The following TXNDC11 variants were observed in gnomAD, a reference collection of about 807,000 sequenced individuals.
TXNDC11 encodes thioredoxin domain-containing protein 11.
A neutral mutation model predicts 78.0 loss-of-function variants in TXNDC11; 68 were observed. That is an observed-to-expected ratio of 0.87 (90% CI 0.72 to 1.07). The LOEUF (loss-of-function observed/expected upper bound fraction) is 1.07, where lower values mean the gene tolerates loss of function less well. TXNDC11 is among the 50% of genes least tolerant of loss of function. The probability of loss-of-function intolerance (pLI) is 0.00; values close to 1 mark genes in which losing one functional copy is unlikely to be tolerated. For synonymous variants in TXNDC11, 571 were observed against 495.2 expected, an observed-to-expected ratio of 1.15 and a Z score of -2.03; for missense variants, 1,389 against 1,221.8, an observed-to-expected ratio of 1.14 and a Z score of -2.04.
rs201219816 is a variant in TXNDC11 at position 11,692,098 on chromosome 16, G to C, written c.1108-16C>G. ...CTTCGGTGATCTGAAATACAGGGCA[G>C]AGTTGGTGAAGGGCTTGGGGATGAC... is the stretch of plus-strand genomic sequence containing the variant. On this transcript the variant is annotated splice_polypyrimidine_tract_variant and intron_variant, in intron 7 of 11. Coordinates refer to ENST00000283033, the MANE Select transcript of TXNDC11 (RefSeq NM_015914.7). The C allele has an allele frequency of 1.0e-3, 1,537 of 1,514,936 alleles. 4 individuals carry two copies. Among genetic ancestry groups the C allele is most frequent in the Non-Finnish European group, 1.3e-3 (1,422 of 1,131,862 alleles). 93.8% of individuals were successfully genotyped at this position (1,514,936 alleles called of 1,614,324 possible).
At chr16:11,706,000 A>G (rs2051170064) in intron 5 of TXNDC11, among the ~76,000 whole-genome samples, 2 of 152,254 alleles carry the variant, frequency 1.3e-5, no homozygotes, top group Admixed American at 6.5e-5. Context: ...TGAATTTTCA[A>G]TATTTTAATT....
At chr16:11,693,803 T>C (rs2050783569) in intron 7 of TXNDC11, among the ~76,000 whole-genome samples, 1 of 152,184 alleles carries the variant, frequency 6.6e-6, no homozygotes, top group African/African-American at 2.4e-5. Flanking sequence ...AGGTCAAGCC[T>C]ATATAATCCG....
At position 11,691,449 on chromosome 16, in the gene TXNDC11, TGA is replaced by T. The variant is rs1382545465; in HGVS notation, c.1739_1740del (p.Leu580GlnfsTer33). ...AAATTTGAATCCAAAAGGTAGATGT[TGA>T]GAGTCTTGTTGGTTCTGCAGCTCAG... Reference protein sequence around the residue: ...TGLSCRTNKTLNIYLLDSNLF... With the variant: ...TGLSCRTNKTXNIYLLDSNLF... On this transcript the variant is annotated frameshift_variant, in exon 8 of 12. Transcript: ENST00000283033. LOFTEE classifies it high-confidence loss of function. 1 of 1,610,954 alleles carries T rather than the reference TGA, an allele frequency of 6.2e-7. No individual in the cohort carries two copies. The highest frequency in any genetic ancestry group is 8.5e-7 in the Non-Finnish European group (1 of 1,177,172).
At chr16:11,701,430 C>G (rs1221093583) in intron 5 of TXNDC11, among the ~76,000 whole-genome samples, 1 of 152,150 alleles carries the variant, frequency 6.6e-6, no homozygotes, top group Non-Finnish European at 1.5e-5. Flanking sequence ...AGCCACCACA[C>G]TCGGCCCAAT....
At chr16:11,692,282 C>T in intron 7 of TXNDC11, 200 bp from the exon 8 acceptor site, 3 of 513,944 alleles carry the variant, frequency 5.8e-6, no homozygotes, top group Non-Finnish European at 6.7e-6. Context: ...AAATTTTTGC[C>T]ATTACAAAAA....
At chr16:11,705,421 A>G (rs908682841) in intron 5 of TXNDC11, among the ~76,000 whole-genome samples, 3 of 152,234 alleles carry the variant, frequency 2.0e-5, no homozygotes, top group African/African-American at 7.2e-5. Context: ...CAGACCAAAG[A>G]GAGGACGTGA....
chr16:11,692,715 G>A (rs1053810464), intron 7 of TXNDC11, among the ~76,000 whole-genome samples: 1 of 152,122 alleles, frequency 6.6e-6, no homozygotes, highest in African/African-American at 2.4e-5. Flanking sequence ...TGAGAGTGCA[G>A]GGGGAGATGG....
chr16:11,717,684 G>C (rs1258122256), intron 5 of TXNDC11, among the ~76,000 whole-genome samples: 1 of 151,150 alleles, frequency 6.6e-6, no homozygotes, highest in East Asian at 2.0e-4. Context: ...AGCTGGGCGT[G>C]GTGGCAGGCG....
At chr16:11,722,738 ACT>A (rs2051747239) in intron 4 of TXNDC11, among the ~76,000 whole-genome samples, 1 of 152,132 alleles carries the variant, frequency 6.6e-6, no homozygotes, top group East Asian at 1.9e-4. Flanking sequence ...TTGGCACTAC[ACT>A]CTATATTAGT....
rs1432286249 is a variant in TXNDC11 at position 11,742,686 on chromosome 16, C to T, written c.45G>A (p.Glu15=). 1.6e-5 allele frequency: 24 copies of T among 1,477,060 alleles called. No individual in the cohort carries two copies. Among genetic ancestry groups the T allele is most frequent in the Non-Finnish European group, 2.1e-5 (24 of 1,122,288 alleles). The allele number at this position is 1,477,060 out of a possible 1,614,324, so 91.5% of individuals were successfully genotyped here. A position where few individuals can be genotyped will look rare whatever the true frequency, so the allele number is the denominator to read the frequency against. The change falls in exon 1 of 12, where the codon GAG becomes GAA. Residue 15 remains glutamate (E), a synonymous_variant. Coordinates refer to ENST00000283033, the MANE Select transcript of TXNDC11 (RefSeq NM_015914.7). ...GGRGGGSSSS[E]DAEDEGGGGG... ...CGCCCCCTCCCTCGTCCTCGGCGTC[C>T]TCGCTGCTGCTGCTGCCGCCGCCGC...
chr16:11,703,227 G>T (rs1232268204), intron 5 of TXNDC11, among the ~76,000 whole-genome samples: 4 of 152,174 alleles, frequency 2.6e-5, no homozygotes, highest in Admixed American at 6.5e-5. Context: ...TAAGTAACTG[G>T]AAAACAGTAT....
intron 5 of TXNDC11, among the ~76,000 whole-genome samples, chr16:11,701,252 T>G (rs1240634258): frequency 6.6e-6 from 1 of 151,280 alleles, no homozygotes; most frequent in Non-Finnish European, 1.5e-5. Flanking sequence ...TTCTCCTGCT[T>G]CAGCCTCCCA....
At chr16:11,693,066 C>T (rs1015474429) in intron 7 of TXNDC11, among the ~76,000 whole-genome samples, 2 of 152,178 alleles carry the variant, frequency 1.3e-5, no homozygotes, top group South Asian at 2.1e-4. Flanking sequence ...CCCTCTTCCC[C>T]ACAAACTTAC....
intron 3 of TXNDC11, among the ~76,000 whole-genome samples, chr16:11,731,399 T>C (rs1193617352): frequency 1.3e-5 from 2 of 152,210 alleles, no homozygotes; most frequent in Non-Finnish European, 2.9e-5. Context: ...ACACATAGAA[T>C]TGGATTCAGT....
intron 5 of TXNDC11, among the ~76,000 whole-genome samples, chr16:11,713,676 A>G (rs1321942663): frequency 2.0e-5 from 3 of 152,156 alleles, no homozygotes; most frequent in Non-Finnish European, 2.9e-5. Context: ...TTGGCCTCCC[A>G]AAGTGCTGGG....
intron 4 of TXNDC11, among the ~76,000 whole-genome samples, chr16:11,722,832 T>TA (rs2051750174): frequency 6.6e-6 from 1 of 152,242 alleles, no homozygotes; most frequent in Non-Finnish European, 1.5e-5. Context: ...TGGTAAAGTT[T>TA]AAAATCAATA....
chr16:11,684,907 C>T (rs753895511), intron 10 of TXNDC11, among the ~76,000 whole-genome samples: 11 of 152,200 alleles, frequency 7.2e-5, no homozygotes, highest in Non-Finnish European at 1.3e-4. Context: ...ATCCTCCTTG[C>T]GGAGGGGCTA....
intron 7 of TXNDC11, among the ~76,000 whole-genome samples, chr16:11,695,599 T>C (rs1168306835): frequency 6.6e-6 from 1 of 152,174 alleles, no homozygotes; most frequent in Non-Finnish European, 1.5e-5. Flanking sequence ...GTTTCCCCGA[T>C]CATAGACCCT....
chr16:11,721,438 A>T (rs61211072), intron 5 of TXNDC11, 139 bp downstream of exon 5: 7,734 of 414,934 alleles, frequency 0.019, 553 homozygotes, highest in African/African-American at 0.14. Flanking sequence ...GACTCCATCT[A>T]AAAAAAAATA....
Sources: gnomAD v4.1 joint callset for allele counts (sites outside exome capture counted in the v4.1 genomes callset) on GRCh38, gnomAD v4.1.1 for gene constraint, MANE v1.5 for transcripts, NCBI Gene and HGNC (gene_info 2026-07-23, HGNC 2026-07-21) for gene names.